The following RYK variants were observed in gnomAD, a reference collection of about 807,000 sequenced individuals.
The protein encoded by RYK is inactive tyrosine-protein kinase RYK.
In RYK, 21 loss-of-function variants were observed where a neutral mutation model predicts 70.2. That is an observed-to-expected ratio of 0.30 (90% CI 0.21 to 0.43). The LOEUF (loss-of-function observed/expected upper bound fraction) is 0.43, where lower values mean the gene tolerates loss of function less well. RYK is among the 20% of genes least tolerant of loss of function. The pLI is 1.00. For synonymous variants in RYK, 267 were observed against 278.0 expected (o/e 0.96, Z 0.39); for missense variants, 604 against 753.3 (o/e 0.80, Z 2.32).
intron 13 of RYK, among the ~76,000 whole-genome samples, chr3:134,168,473 G>A (rs2012769159): frequency 6.6e-6 from 1 of 152,146 alleles, no homozygotes; most frequent in South Asian, 2.1e-4. Flanking sequence ...CCTTTGTAGG[G>A]ACATGGACGA....
intron 1 of RYK, among the ~76,000 whole-genome samples, 154 bp downstream of exon 1, chr3:134,250,269 G>T (rs374725154): frequency 1.3e-5 from 2 of 152,100 alleles, no homozygotes; most frequent in African/African-American, 4.8e-5. Flanking sequence ...CAGCCAGCAC[G>T]GCAGGCAGAG....
At chr3:134,235,629 T>A (rs1232090951) in intron 1 of RYK, among the ~76,000 whole-genome samples, 1 of 152,064 alleles carries the variant, frequency 6.6e-6, no homozygotes, top group East Asian at 1.9e-4. Flanking sequence ...AGACAGGGGC[T>A]AGATAACCTA....
intron 14 of RYK, 54 bp from the exon 15 acceptor site, chr3:134,158,318 CTT>C: frequency 8.4e-7 from 1 of 1,192,754 alleles, no homozygotes. Flanking sequence ...GTATTCATAA[CTT>C]TTGCTCAGTT....
intron 5 of RYK, among the ~76,000 whole-genome samples, chr3:134,204,145 T>C (rs113188628): frequency 0.012 from 1,770 of 152,312 alleles, 18 homozygotes; most frequent in Non-Finnish European, 0.019. Context: ...TTTGCTTTTC[T>C]GTTTTTAAAG....
At chr3:134,223,610 A>C (rs2014802614) in intron 1 of RYK, among the ~76,000 whole-genome samples, 1 of 151,998 alleles carries the variant, frequency 6.6e-6, no homozygotes, top group Admixed American at 6.5e-5. Context: ...GAAATGTAAA[A>C]AAAAAAAAAA....
At chr3:134,232,507 C>T (rs568139772) in intron 1 of RYK, among the ~76,000 whole-genome samples, 1 of 152,234 alleles carries the variant, frequency 6.6e-6, no homozygotes, top group Non-Finnish European at 1.5e-5. Flanking sequence ...CCTATGAACA[C>T]CTAATGACCA....
intron 5 of RYK, among the ~76,000 whole-genome samples, chr3:134,206,899 T>C (rs1033019384): frequency 4.6e-5 from 7 of 151,960 alleles, no homozygotes; most frequent in African/African-American, 1.7e-4. Context: ...TCTACTTGCA[T>C]GAAGAGAATC....
intron 4 of RYK, among the ~76,000 whole-genome samples, chr3:134,209,066 G>A (rs1431194340): frequency 1.3e-5 from 2 of 152,068 alleles, no homozygotes; most frequent in Admixed American, 1.3e-4. Context: ...TTATGACCTA[G>A]CATGCTGGAA....
intron 1 of RYK, among the ~76,000 whole-genome samples, chr3:134,232,086 C>G (rs1295949162): frequency 3.3e-5 from 5 of 152,210 alleles, no homozygotes; most frequent in African/African-American, 1.2e-4. Context: ...ACTATAGTAT[C>G]TCAACAGCTA....
intron 10 of RYK, 22 bp from the exon 11 acceptor site, chr3:134,178,095 G>A: frequency 1.3e-6 from 2 of 1,522,998 alleles, no homozygotes; most frequent in Non-Finnish European, 8.8e-7. Context: ...TAAAAAATTG[G>A]GAGAAAGACA....
chr3:134,248,071 C>A (rs1393586746), intron 1 of RYK, among the ~76,000 whole-genome samples: 1 of 152,094 alleles, frequency 6.6e-6, no homozygotes, highest in Non-Finnish European at 1.5e-5. Context: ...CTCTTCCCTA[C>A]CTGGAGGAGC....
chr3:134,185,622 T>C (rs989068148), intron 9 of RYK, among the ~76,000 whole-genome samples: 1 of 152,216 alleles, frequency 6.6e-6, no homozygotes, highest in Non-Finnish European at 1.5e-5. Flanking sequence ...TAGCAAAATG[T>C]GCCTTTATTA....
intron 13 of RYK, among the ~76,000 whole-genome samples, chr3:134,171,957 A>G (rs2012927630): frequency 6.6e-6 from 1 of 152,192 alleles, no homozygotes; most frequent in Admixed American, 6.5e-5. Context: ...AATACAAGCT[A>G]TCAATGCTCC....
At chr3:134,221,031 T>C (rs766595668) in intron 2 of RYK, among the ~76,000 whole-genome samples, 3 of 151,978 alleles carry the variant, frequency 2.0e-5, no homozygotes, top group African/African-American at 4.8e-5. Flanking sequence ...AAAAGAAAGA[T>C]GCCTAGATAA....
chr3:134,214,235 C>T (rs1349238670), intron 2 of RYK, among the ~76,000 whole-genome samples: 1 of 152,206 alleles, frequency 6.6e-6, no homozygotes, highest in African/African-American at 2.4e-5. Context: ...ATTCAATATC[C>T]TGACACGCTA....
intron 11 of RYK, among the ~76,000 whole-genome samples, chr3:134,177,111 C>T (rs2108152678): frequency 6.6e-6 from 1 of 152,124 alleles, no homozygotes; most frequent in South Asian, 2.1e-4. Flanking sequence ...AGTACGAGCT[C>T]CTAGCTTTTT....
intron 5 of RYK, among the ~76,000 whole-genome samples, chr3:134,204,278 G>C (rs1439292852): frequency 2.0e-5 from 3 of 151,916 alleles, no homozygotes; most frequent in African/African-American, 7.3e-5. Context: ...GTGATCCCTT[G>C]AGGTCAGGAG....
At chr3:134,233,993 TA>T (rs375942626) in intron 1 of RYK, among the ~76,000 whole-genome samples, 1 of 152,086 alleles carries the variant, frequency 6.6e-6, no homozygotes. Context: ...TGTTCCACTT[TA>T]AAAAAAGGGA....
chr3:134,177,932 T>C lies in RYK; in HGVS notation c.1305+9A>G. 6.2e-7 allele frequency: 1 copy of C among 1,600,290 alleles called. No individual in the cohort carries two copies. The highest frequency in any genetic ancestry group is 8.5e-7 in the Non-Finnish European group (1 of 1,176,490). On this transcript the variant is annotated intron_variant, in intron 11 of 14. Transcript: ENST00000623711. ...GTAAATAATTGGTATTTGGGCAAAT[T>C]TTTCTCACCTGTGGATTATTGGCCT...
Sources: gnomAD v4.1 joint callset for allele counts (sites outside exome capture counted in the v4.1 genomes callset) on GRCh38, gnomAD v4.1.1 for gene constraint, MANE v1.5 for transcripts, NCBI Gene and HGNC (gene_info 2026-07-23, HGNC 2026-07-21) for gene names.